Variants in AIG1 observed in about 807,000 individuals in gnomAD.
AIG1 encodes androgen-induced gene 1 protein.
Under a neutral mutation model 31.4 loss-of-function variants are expected in AIG1, and 23 were observed. The observed-to-expected ratio is 0.73, with a 90% CI of 0.53 to 1.04. The LOEUF is 1.04. AIG1 is among the 50% of genes least tolerant of loss of function. The pLI is 0.00. For synonymous variants in AIG1, 100 were observed against 110.5 expected (o/e 0.90, Z 0.60); for missense variants, 274 against 295.0 (o/e 0.93, Z 0.52).
At position 143,280,747 on chromosome 6, in the gene AIG1, T is replaced by C. The variant is rs771476867; in HGVS notation, c.400-3363T>C. Among the ~76,000 whole-genome samples the C allele has an allele frequency of 4.0e-5, 6 of 150,978 alleles. No individual in the cohort carries two copies. Among genetic ancestry groups the C allele is most frequent in the Non-Finnish European group, 7.4e-5 (5 of 67,704 alleles). On this transcript the variant is annotated intron_variant, in intron 3 of 5. Transcript: ENST00000357847. This position sits in a 1 kb window ranked among gnomAD's most constrained non-coding sequence, Gnocchi z 4.1. ...AGGGGGAGGTTGGGAGGAGGGAGAG[T>C]AGCAGAAAAGATAACTATTGGGTAC...
chr6:143,276,190 T>A (rs1320644551), intron 3 of AIG1, among the ~76,000 whole-genome samples: 2 of 152,188 alleles, frequency 1.3e-5, no homozygotes, highest in African/African-American at 4.8e-5. Context: ...TGACATATAG[T>A]TGCTCTTAAT....
At position 143,185,277 on chromosome 6, in the gene AIG1, T is replaced by C. The variant is rs549801532; in HGVS notation, c.399+20094T>C. ...TGATCTACTGAATTTGTCCCCAAAC[T>C]ACCTGGTCCTTGAGGGATACTGAGG... On this transcript the variant is annotated intron_variant, in intron 3 of 5. Transcript: ENST00000357847. 2.0e-5 allele frequency among the ~76,000 whole-genome samples: 3 copies of C among 152,178 alleles called. No individual in the cohort carries two copies. In the South Asian group the frequency reaches 6.2e-4, roughly 32 times the overall value.
chr6:143,111,089 C>G (rs2128490834), intron 1 of AIG1, among the ~76,000 whole-genome samples: 1 of 152,278 alleles, frequency 6.6e-6, no homozygotes, highest in African/African-American at 2.4e-5. Context: ...TTTAATAACT[C>G]ATGTGTGAGT....
chr6:143,167,298 A>G (rs952889088), intron 3 of AIG1, among the ~76,000 whole-genome samples: 2 of 152,208 alleles, frequency 1.3e-5, no homozygotes, highest in African/African-American at 4.8e-5. Flanking sequence ...ATCTCCAAAT[A>G]TGAGGAAGAG....
chr6:143,189,793 T>C, intron 3 of AIG1: 1 of 983,548 alleles, frequency 1.0e-6, no homozygotes, highest in Non-Finnish European at 1.2e-6. Flanking sequence ...CCTGAAACAC[T>C]TCTCAACTTC....
intron 3 of AIG1, among the ~76,000 whole-genome samples, chr6:143,277,172 T>C (rs1796994035): frequency 6.6e-6 from 1 of 152,224 alleles, no homozygotes; most frequent in Non-Finnish European, 1.5e-5. Flanking sequence ...CTTCTTGCTT[T>C]ATTTCAAGAT....
At chr6:143,199,965 G>T (rs1790562485) in intron 3 of AIG1, among the ~76,000 whole-genome samples, 1 of 152,180 alleles carries the variant, frequency 6.6e-6, no homozygotes, top group South Asian at 2.1e-4. Context: ...AGGACCACCA[G>T]GAGAAAGGCT....
chr6:143,240,784 A>G (rs1401853621), intron 3 of AIG1, among the ~76,000 whole-genome samples: 1 of 152,200 alleles, frequency 6.6e-6, no homozygotes, highest in Non-Finnish European at 1.5e-5. Context: ...TATTGGATTC[A>G]ATGGGAAAGT....
intron 1 of AIG1, among the ~76,000 whole-genome samples, chr6:143,102,479 AAT>A (rs1411826041): frequency 6.8e-6 from 1 of 147,324 alleles, no homozygotes; most frequent in African/African-American, 2.5e-5. Context: ...TATAAAATAT[AAT>A]ATATATAAAA....
intron 3 of AIG1, among the ~76,000 whole-genome samples, chr6:143,196,464 A>T (rs952723079): frequency 6.6e-6 from 1 of 151,946 alleles, no homozygotes; most frequent in Non-Finnish European, 1.5e-5. Flanking sequence ...AAATTTTCTG[A>T]AATCTGATGT....
In AIG1 at chr6:143,288,853, C is replaced by G. The variant is rs1210709699; in HGVS notation, c.515+4628C>G. Reference sequence around the variant, plus strand: ...CCTGTAAGGTATGCATTGATTTGACCTGAAAAGGTAGGATGTCTCAAAGAA... The same window carrying G: ...CCTGTAAGGTATGCATTGATTTGACGTGAAAAGGTAGGATGTCTCAAAGAA... On this transcript the variant is annotated intron_variant, in intron 4 of 5. Coordinates refer to ENST00000357847, the MANE Select transcript of AIG1 (RefSeq NM_016108.4). This position sits in a 1 kb window ranked among gnomAD's most constrained non-coding sequence, Gnocchi z 4.4. Among the ~76,000 whole-genome samples, 1 of 152,078 alleles carries G rather than the reference C, an allele frequency of 6.6e-6. No homozygotes were observed. The highest frequency in any genetic ancestry group is 2.4e-5 in the African/African-American group (1 of 41,412).
Position 143,061,049 on chromosome 6 carries a change from C to T in AIG1, c.124C>T (p.Leu42=), listed in dbSNP as rs1292394249. Residue 42 remains leucine, a synonymous_variant, in exon 1 of 6, where the codon CTG becomes TTG. Transcript: ENST00000357847. ...HQTYGGSWKF[L]TFIDLVIQAV... Reference sequence around the variant, plus strand: ...GACCTACGGAGGGAGCTGGAAATTCCTGACGTTCATTGATCTGGTAAGGCC... The same window carrying T: ...GACCTACGGAGGGAGCTGGAAATTCTTGACGTTCATTGATCTGGTAAGGCC... 6.2e-7 allele frequency: 1 copy of T among 1,613,230 alleles called. No individual in the cohort carries two copies. Among genetic ancestry groups the T allele is most frequent in the African/African-American group, 1.3e-5 (1 of 74,836 alleles).
chr6:143,164,832 T>A (rs1786764065), intron 2 of AIG1: 1 of 350,762 alleles, frequency 2.9e-6, no homozygotes, highest in African/African-American at 2.1e-5. Context: ...GCCTCTTCTC[T>A]CTCCCTCAGA....
chr6:143,320,898 C>T (rs1168789086), intron 4 of AIG1, among the ~76,000 whole-genome samples: 3 of 151,218 alleles, frequency 2.0e-5, no homozygotes, highest in African/African-American at 4.9e-5. Flanking sequence ...CTTGGCTCAC[C>T]GCGACTTCTG....
intron 4 of AIG1, among the ~76,000 whole-genome samples, chr6:143,296,229 A>G (rs1798418251): frequency 6.6e-6 from 1 of 152,162 alleles, no homozygotes; most frequent in Non-Finnish European, 1.5e-5. Flanking sequence ...TTAAATTGCC[A>G]ACTGAAGCTG....
intron 1 of AIG1, among the ~76,000 whole-genome samples, chr6:143,107,908 A>G (rs6925127): frequency 0.08 from 12,253 of 152,214 alleles, 1,533 homozygotes; most frequent in African/African-American, 0.27. Context: ...TTCTTTATTA[A>G]ATTCCTGATC....
At chr6:143,071,748 C>T (rs1777296831) in intron 1 of AIG1, among the ~76,000 whole-genome samples, 1 of 150,278 alleles carries the variant, frequency 6.7e-6, no homozygotes, top group Admixed American at 6.7e-5. Context: ...CCCCCTCTTC[C>T]TCCTTCTTCT....
At chr6:143,116,084 A>G (rs1781710471) in intron 1 of AIG1, among the ~76,000 whole-genome samples, 1 of 152,204 alleles carries the variant, frequency 6.6e-6, no homozygotes, top group South Asian at 2.1e-4. Flanking sequence ...AGTGTTTACC[A>G]TCTTTTCTGG....
intron 4 of AIG1, among the ~76,000 whole-genome samples, chr6:143,308,473 C>T (rs184267350): frequency 6.6e-6 from 1 of 152,188 alleles, no homozygotes. Flanking sequence ...TGGGCTTGCT[C>T]ATTGTCTCTA....
Sources: allele counts gnomAD v4.1 joint callset (sites outside exome capture counted in the v4.1 genomes callset), GRCh38; gene constraint gnomAD v4.1.1; non-coding constraint Gnocchi (gnomAD v3.1); transcripts MANE v1.5; gene names NCBI Gene and HGNC (gene_info 2026-07-23, HGNC 2026-07-21).